Variants in ARB2A observed in about 807,000 individuals in gnomAD.
ARB2A encodes ARB2 cotranscriptional regulator A, also known as cotranscriptional regulator ARB2A.
the ARB2A span, among the ~76,000 whole-genome samples, chr5:93,662,707 G>A: frequency 8.2e-4 from 125 of 152,218 alleles, 1 homozygote; most frequent in East Asian, 0.015. Flanking sequence ...TCCCTCCCTC[G>A]CTCCAACTCT....
the ARB2A span, among the ~76,000 whole-genome samples, chr5:93,690,559 G>A: frequency 4.1e-3 from 625 of 152,266 alleles, 1 homozygote; most frequent in Middle Eastern, 0.014. Flanking sequence ...CCCAGTCAGG[G>A]GCTTATAGAT....
the ARB2A span, among the ~76,000 whole-genome samples, chr5:93,702,528 A>C: frequency 2.6e-5 from 4 of 152,214 alleles, no homozygotes; most frequent in Non-Finnish European, 4.4e-5. Flanking sequence ...TTGGCTATGA[A>C]AAGGAATTTT....
At chr5:93,640,933 G>T in the ARB2A span, among the ~76,000 whole-genome samples, 1 of 152,006 alleles carries the variant, frequency 6.6e-6, no homozygotes, top group Admixed American at 6.6e-5. Flanking sequence ...CAGGTGTGGT[G>T]GTTCACGCCT....
At chr5:93,753,040 C>T in the ARB2A span, among the ~76,000 whole-genome samples, 3 of 152,172 alleles carry the variant, frequency 2.0e-5, no homozygotes, top group African/African-American at 4.8e-5. Flanking sequence ...GAATGCTATA[C>T]TTCTTGACTA....
At chr5:93,963,364 TA>T in the ARB2A span, among the ~76,000 whole-genome samples, 6 of 152,020 alleles carry the variant, frequency 3.9e-5, no homozygotes, top group Non-Finnish European at 7.4e-5. Flanking sequence ...TTACACAGAA[TA>T]ATATTTTATT....
At chr5:93,814,786 C>T in the ARB2A span, among the ~76,000 whole-genome samples, 1 of 152,190 alleles carries the variant, frequency 6.6e-6, no homozygotes, top group African/African-American at 2.4e-5. Context: ...TTTTTGGAAA[C>T]ATTTCTTGCC....
chr5:93,999,595 GAACAGCCTCCCTCATTATC>G, the ARB2A span, among the ~76,000 whole-genome samples: 1 of 151,836 alleles, frequency 6.6e-6, no homozygotes, highest in Non-Finnish European at 1.5e-5. Context: ...CCCCACACAT[GAACAGCCTCCCTCATTATC>G]AACAGCCTCC....
At chr5:93,961,539 C>T in the ARB2A span, among the ~76,000 whole-genome samples, 1 of 152,092 alleles carries the variant, frequency 6.6e-6, no homozygotes, top group Middle Eastern at 3.2e-3. Flanking sequence ...CAAAAATTAG[C>T]TAGGTGTGGT....
chr5:93,712,620 A>C, the ARB2A span, among the ~76,000 whole-genome samples: 1 of 152,220 alleles, frequency 6.6e-6, no homozygotes, highest in Non-Finnish European at 1.5e-5. Context: ...CAATATGCAA[A>C]AATCAATTTT....
At chr5:93,741,223 G>A in the ARB2A span, 7 of 1,613,802 alleles carry the variant, frequency 4.3e-6, no homozygotes, top group Non-Finnish European at 5.1e-6. Flanking sequence ...CTCTGGCGGC[G>A]GCAACTTCGG....
the ARB2A span, among the ~76,000 whole-genome samples, chr5:93,662,025 G>A: frequency 1.3e-5 from 2 of 152,152 alleles, no homozygotes; most frequent in African/African-American, 4.8e-5. Context: ...GAGCTAAGTG[G>A]CAAGAGTAGC....
chr5:94,082,984 CA>C, the ARB2A span, among the ~76,000 whole-genome samples: 3 of 152,160 alleles, frequency 2.0e-5, no homozygotes, highest in African/African-American at 7.2e-5. Context: ...CCTAAATTAA[CA>C]AAGGACTTGA....
chr5:93,725,907 G>C, the ARB2A span, among the ~76,000 whole-genome samples: 1 of 152,026 alleles, frequency 6.6e-6, no homozygotes, highest in East Asian at 1.9e-4. Context: ...AGGTGGATAA[G>C]GGGGCTCATG....
the ARB2A span, among the ~76,000 whole-genome samples, chr5:93,654,662 C>A: frequency 6.6e-6 from 1 of 152,084 alleles, no homozygotes; most frequent in African/African-American, 2.4e-5. Context: ...TTGAAGACAC[C>A]CTTGGCATAA....
chr5:94,083,818 T>C, the ARB2A span, among the ~76,000 whole-genome samples: 2 of 147,600 alleles, frequency 1.4e-5, no homozygotes, highest in African/African-American at 5.0e-5. Flanking sequence ...AAAAACAAGG[T>C]CCTCTAAAAA....
the ARB2A span, among the ~76,000 whole-genome samples, chr5:94,057,331 G>T: frequency 6.6e-6 from 1 of 152,168 alleles, no homozygotes; most frequent in African/African-American, 2.4e-5. Flanking sequence ...GATTCCTAGA[G>T]TCATCAAACT....
the ARB2A span, among the ~76,000 whole-genome samples, chr5:93,625,727 G>A: frequency 6.6e-6 from 1 of 152,140 alleles, no homozygotes; most frequent in African/African-American, 2.4e-5. Flanking sequence ...TTGCTAAAAT[G>A]TGTCATTTGT....
chr5:93,769,624 A>C, the ARB2A span, among the ~76,000 whole-genome samples: 1 of 152,130 alleles, frequency 6.6e-6, no homozygotes, highest in Admixed American at 6.5e-5. Context: ...ATTTGATGCA[A>C]CCTAATGTTG....
chr5:93,670,161 A>G, the ARB2A span, among the ~76,000 whole-genome samples: 1 of 152,166 alleles, frequency 6.6e-6, no homozygotes, highest in Non-Finnish European at 1.5e-5. Flanking sequence ...ACCAAAATCC[A>G]AGTCACCATA....
Sources: gnomAD v4.1 joint callset for allele counts (sites outside exome capture counted in the v4.1 genomes callset) on GRCh38, gnomAD v4.1.1 for gene constraint, MANE v1.5 for transcripts, NCBI Gene and HGNC (gene_info 2026-07-23, HGNC 2026-07-21) for gene names.